PLEKHD1: variants seen among roughly 807,000 people sequenced by gnomAD.
The protein encoded by PLEKHD1 is pleckstrin homology domain-containing family D member 1.
A neutral mutation model predicts 69.2 loss-of-function variants in PLEKHD1; 51 were observed. The observed-to-expected ratio is 0.74, with a 90% CI of 0.59 to 0.93. The LOEUF (loss-of-function observed/expected upper bound fraction) is 0.93, where lower values mean the gene tolerates loss of function less well. PLEKHD1 is among the 40% of genes least tolerant of loss of function. The probability of loss-of-function intolerance (pLI) is 0.00; values close to 1 mark genes in which losing one functional copy is unlikely to be tolerated. For synonymous variants in PLEKHD1, 236 were observed against 244.7 expected (o/e 0.96, Z 0.33); for missense variants, 584 against 641.0 (o/e 0.91, Z 0.96).
intron 11 of PLEKHD1, 50 bp from the exon 12 acceptor site, chr14:69,527,733 G>T (rs778989907): frequency 1.9e-6 from 3 of 1,540,862 alleles, no homozygotes; most frequent in Non-Finnish European, 2.6e-6. Context: ...GGACTGGCTG[G>T]GGGTAAGGAT....
At chr14:69,520,206 A>G (rs1270922784) in intron 6 of PLEKHD1, among the ~76,000 whole-genome samples, 1 of 131,528 alleles carries the variant, frequency 7.6e-6, no homozygotes, top group Non-Finnish European at 1.6e-5. Context: ...AGAGCTGGGC[A>G]CCTTTGTTAT....
At chr14:69,513,244 TAATAAAATAAAATAA>T (rs149972358) in intron 6 of PLEKHD1, among the ~76,000 whole-genome samples, 2 of 149,890 alleles carry the variant, frequency 1.3e-5, no homozygotes, top group African/African-American at 4.9e-5. Context: ...TAAAATAAAA[TAATAAAATAAAATAA>T]AATAAAATAA....
chr14:69,529,594 T>C lies in PLEKHD1; in HGVS notation c.*1175T>C, dbSNP rs1883746710. On this transcript the variant is annotated 3_prime_UTR_variant, in exon 13 of 13. Transcript: ENST00000322564. ...AAGCTCAGGAGTGAAGGAAAGTCAC[T>C]CTGGTTCCTGCATTATGTACTTCTG... The C allele has an allele frequency of 6.6e-6, 1 of 152,080 alleles. No individual in the cohort carries two copies. Among genetic ancestry groups the C allele is most frequent in the Non-Finnish European group, 1.5e-5 (1 of 68,126 alleles). 9.4% of individuals were successfully genotyped at this position (152,080 alleles called of 1,614,324 possible).
intron 1 of PLEKHD1, among the ~76,000 whole-genome samples, chr14:69,493,773 T>C (rs1238397114): frequency 2.0e-5 from 3 of 152,206 alleles, no homozygotes; most frequent in Non-Finnish European, 1.5e-5. Context: ...TACTATTCTT[T>C]ATGATGGGAG....
the PLEKHD1 span, among the ~76,000 whole-genome samples, chr14:69,476,396 C>CA: frequency 3.7e-3 from 498 of 136,408 alleles, 2 homozygotes; most frequent in African/African-American, 0.01. Flanking sequence ...GGCCCTATTT[C>CA]AAAAAAAAAA....
intron 6 of PLEKHD1, among the ~76,000 whole-genome samples, chr14:69,521,838 G>A (rs892930376): frequency 5.9e-5 from 9 of 152,104 alleles, no homozygotes; most frequent in African/African-American, 2.2e-4. Flanking sequence ...CTTTTGGGTT[G>A]GGAATAGCTT....
intron 10 of PLEKHD1, 147 bp from the exon 11 acceptor site, chr14:69,527,041 T>C: frequency 8.3e-7 from 1 of 1,203,824 alleles, no homozygotes; most frequent in Non-Finnish European, 1.1e-6. Context: ...CCAGTCCATC[T>C]GGTTCAAAGG....
At chr14:69,524,460 G>T (rs954482690) in intron 8 of PLEKHD1, 138 bp downstream of exon 8, 17 of 726,878 alleles carry the variant, frequency 2.3e-5, no homozygotes, top group Middle Eastern at 3.8e-4. Context: ...GATCTAAAGG[G>T]TCTCTTCTCT....
upstream of PLEKHD1, among the ~76,000 whole-genome samples, chr14:69,480,651 AT>A (rs563414821): frequency 0.023 from 3,275 of 140,366 alleles, 52 homozygotes; most frequent in Middle Eastern, 0.073. Context: ...TGTGTATAAG[AT>A]TTTTTTTTTT....
intron 9 of PLEKHD1, 29 bp downstream of exon 9, chr14:69,526,151 C>G: frequency 6.5e-7 from 1 of 1,529,212 alleles, no homozygotes; most frequent in South Asian, 1.2e-5. Context: ...CTGAAGACAC[C>G]ATTGACTTTG....
the PLEKHD1 span, among the ~76,000 whole-genome samples, chr14:69,470,670 C>A: frequency 1.3e-5 from 2 of 152,170 alleles, no homozygotes; most frequent in East Asian, 3.8e-4. Flanking sequence ...CCATGATCAT[C>A]CTTATCAGAA....
chr14:69,470,464 A>AG, the PLEKHD1 span, among the ~76,000 whole-genome samples: 1 of 151,930 alleles, frequency 6.6e-6, no homozygotes, highest in Non-Finnish European at 1.5e-5. Context: ...AAAAAAAAAA[A>AG]AAACTAGTAA....
intron 1 of PLEKHD1, among the ~76,000 whole-genome samples, chr14:69,493,721 G>A (rs1370618459): frequency 6.6e-6 from 1 of 152,202 alleles, no homozygotes; most frequent in Non-Finnish European, 1.5e-5. Flanking sequence ...CAAGGTGAGT[G>A]TCCTGGCACC....
At chr14:69,518,716 G>A (rs1262945211) in intron 6 of PLEKHD1, among the ~76,000 whole-genome samples, 2 of 152,104 alleles carry the variant, frequency 1.3e-5, no homozygotes, top group Non-Finnish European at 2.9e-5. Context: ...GGACAGAATT[G>A]CTCTTTTAAA....
the PLEKHD1 span, among the ~76,000 whole-genome samples, chr14:69,475,712 C>G: frequency 6.6e-6 from 1 of 152,180 alleles, no homozygotes; most frequent in Non-Finnish European, 1.5e-5. Context: ...TACTCCCCAG[C>G]GCACCCAGAG....
the PLEKHD1 span, among the ~76,000 whole-genome samples, chr14:69,476,560 T>TAAC: frequency 6.6e-6 from 1 of 151,558 alleles, no homozygotes; most frequent in African/African-American, 2.4e-5. Context: ...TCTCTTAAAA[T>TAAC]AATAATAATA....
At chr14:69,509,949 A>G (rs60947804) in intron 6 of PLEKHD1, among the ~76,000 whole-genome samples, 17,463 of 152,090 alleles carry the variant, frequency 0.11, 1,156 homozygotes, top group Non-Finnish European at 0.14. Flanking sequence ...AAAAAAAAAA[A>G]GACTGGCTTT....
At position 69,498,238 on chromosome 14, in the gene PLEKHD1, C is replaced by G. The variant is rs1378904274; in HGVS notation, c.150-1877C>G. ...GGATTACAGGCCTGAGCCACCACAC[C>G]TGGCTGATTTTTGTATTTTTAGTAG... On this transcript the variant is annotated intron_variant, in intron 1 of 12. Transcript: ENST00000322564. Among the ~76,000 whole-genome samples, 5 of 151,988 alleles carry G rather than the reference C, an allele frequency of 3.3e-5. No homozygotes were observed. In the South Asian group the frequency reaches 8.3e-4, roughly 25 times the overall value.
the PLEKHD1 span, among the ~76,000 whole-genome samples, chr14:69,471,016 C>T: frequency 6.7e-6 from 1 of 148,832 alleles, no homozygotes; most frequent in Non-Finnish European, 1.5e-5. Context: ...TGGTCTCGAT[C>T]TCCTGACCTT....
Sources: allele counts gnomAD v4.1 joint callset (sites outside exome capture counted in the v4.1 genomes callset), GRCh38; gene constraint gnomAD v4.1.1; transcripts MANE v1.5; gene names NCBI Gene and HGNC (gene_info 2026-07-23, HGNC 2026-07-21).